Variants in ZDHHC15 observed in about 807,000 individuals in gnomAD.
ZDHHC15 encodes palmitoyltransferase ZDHHC15.
A neutral mutation model predicts 31.7 loss-of-function variants in ZDHHC15; 19 were observed. The observed-to-expected ratio is 0.60, with a 90% CI of 0.42 to 0.88. The LOEUF (loss-of-function observed/expected upper bound fraction) is 0.88, where lower values mean the gene tolerates loss of function less well. Among genes scored for constraint, ZDHHC15 ranks in the 40% least tolerant of loss-of-function variants. The pLI, the probability that ZDHHC15 is intolerant of heterozygous loss-of-function variation, is 0.00. For missense variants in ZDHHC15, 209 were observed against 251.2 expected (o/e 0.83, Z 1.14); for synonymous variants, 103 against 90.0 (o/e 1.14, Z -0.82).
chrX:75,493,415 C>T (rs1385939733), intron 2 of ZDHHC15, among the ~76,000 whole-genome samples: 1 of 111,780 alleles, frequency 8.9e-6, no homozygotes, highest in African/African-American at 3.3e-5. Flanking sequence ...AGGGGAAATC[C>T]TCCCTAATTC....
intron 1 of ZDHHC15, among the ~76,000 whole-genome samples, chrX:75,519,611 A>G (rs975751616): frequency 1.8e-5 from 2 of 112,224 alleles, no homozygotes; most frequent in Admixed American, 9.5e-5. Flanking sequence ...GGAGAAAGAC[A>G]TCAGGTTTTA....
chrX:75,439,951 C>T (rs5938069), intron 4 of ZDHHC15, among the ~76,000 whole-genome samples: 2,360 of 110,984 alleles, frequency 0.021, 37 homozygotes, highest in South Asian at 0.14. Flanking sequence ...TGGGTCTAGC[C>T]ACCCAGCAGA....
At chrX:75,518,773 A>ATATG (rs2085399448) in intron 1 of ZDHHC15, among the ~76,000 whole-genome samples, 12 of 19,066 alleles carry the variant, frequency 6.3e-4, no homozygotes, top group African/African-American at 1.8e-3. Context: ...AAACTGGTAT[A>ATATG]TATATATATA....
At chrX:75,504,157 G>C (rs1386379988) in intron 2 of ZDHHC15, among the ~76,000 whole-genome samples, 1 of 111,226 alleles carries the variant, frequency 9.0e-6, no homozygotes, top group African/African-American at 3.3e-5. Context: ...GAATTTTAGG[G>C]AGACACTCTA....
At position 75,505,264 on chromosome X, in the gene ZDHHC15, T is replaced by C. The variant is rs1041002625; in HGVS notation, c.163+557A>G. On this transcript the variant is annotated intron_variant, in intron 2 of 11. Transcript: ENST00000373367. The stretch of plus-strand genomic sequence containing the variant: ...CTACATAAACACTCACAGTTATTAC[T>C]GATAAAATAATGTAAAGCTAAAGGT... 1.3e-4 allele frequency among the ~76,000 whole-genome samples: 15 copies of C among 111,981 alleles called. 1 individual carries two copies. Among genetic ancestry groups the C allele is most frequent in the Admixed American group, 1.2e-3 (13 of 10,449 alleles).
intron 2 of ZDHHC15, among the ~76,000 whole-genome samples, chrX:75,495,618 C>A (rs1034005648): frequency 1.6e-4 from 18 of 110,532 alleles, no homozygotes; most frequent in African/African-American, 4.6e-4. Context: ...ATGATGAGTT[C>A]ATGTCCTTTG....
chrX:75,505,932 A>G (rs2085154142), intron 1 of ZDHHC15, 85 bp from the exon 2 acceptor site: 3 of 886,918 alleles, frequency 3.4e-6, no homozygotes, highest in Non-Finnish European at 4.9e-6. Flanking sequence ...TATATTTAAA[A>G]AGTCTTGTCT....
At chrX:75,454,446 C>T (rs1402959422) in intron 3 of ZDHHC15, among the ~76,000 whole-genome samples, 1 of 111,714 alleles carries the variant, frequency 9.0e-6, no homozygotes, top group African/African-American at 3.3e-5. Context: ...TGGGTATATG[C>T]CAAGTAATGG....
chrX:75,419,109 A>C (rs1321535564), intron 9 of ZDHHC15, among the ~76,000 whole-genome samples: 1 of 111,871 alleles, frequency 8.9e-6, no homozygotes, highest in East Asian at 2.8e-4. Flanking sequence ...ACATATTTAC[A>C]AGAGAAAAAC....
At chrX:75,384,894 A>G in intron 10 of ZDHHC15, 1 of 494,741 alleles carries the variant, frequency 2.0e-6, no homozygotes, top group Non-Finnish European at 3.6e-6. Flanking sequence ...TAATTGACTA[A>G]GATTAAAGAC....
At chrX:75,476,249 T>C (rs1487677068) in intron 3 of ZDHHC15, among the ~76,000 whole-genome samples, 1 of 109,925 alleles carries the variant, frequency 9.1e-6, no homozygotes, top group Non-Finnish European at 1.9e-5. Flanking sequence ...GAAATGTTTC[T>C]TATTTTTTTT....
chrX:75,446,074 C>A (rs1344886478), intron 4 of ZDHHC15, among the ~76,000 whole-genome samples: 2 of 111,587 alleles, frequency 1.8e-5, no homozygotes, highest in Non-Finnish European at 3.8e-5. Context: ...GTACTACACT[C>A]CAAAAGAACT....
At chrX:75,505,140 C>T (rs980612917) in intron 2 of ZDHHC15, among the ~76,000 whole-genome samples, 10 of 111,165 alleles carry the variant, frequency 9.0e-5, no homozygotes, top group African/African-American at 2.9e-4. Flanking sequence ...TGAATAACAG[C>T]AAATTGGAGC....
chrX:75,513,878 C>CA (rs201148072), intron 1 of ZDHHC15, among the ~76,000 whole-genome samples: 11,309 of 103,033 alleles, frequency 0.11, 503 homozygotes, highest in Non-Finnish European at 0.14. Flanking sequence ...TTTTACATAA[C>CA]AAAAAAAAAA....
intron 4 of ZDHHC15, among the ~76,000 whole-genome samples, chrX:75,443,686 C>A (rs1036084328): frequency 8.9e-6 from 1 of 112,010 alleles, no homozygotes; most frequent in Non-Finnish European, 1.9e-5. Context: ...AGGCAACTTA[C>A]AGAATGGGAG....
chrX:75,515,058 G>A (rs1475384582), intron 1 of ZDHHC15, among the ~76,000 whole-genome samples: 1 of 111,128 alleles, frequency 9.0e-6, no homozygotes, highest in African/African-American at 3.3e-5. Context: ...ACCAATAACA[G>A]GCTCTGAAAT....
intron 4 of ZDHHC15, among the ~76,000 whole-genome samples, chrX:75,434,769 G>A (rs1192962262): frequency 8.9e-6 from 1 of 112,078 alleles, no homozygotes; most frequent in Admixed American, 9.5e-5. Context: ...GTCAGGTAAC[G>A]TGATGCCTCC....
intron 11 of ZDHHC15, among the ~76,000 whole-genome samples, chrX:75,378,580 G>T (rs1358500557): frequency 8.9e-6 from 1 of 111,866 alleles, no homozygotes. Context: ...ATACCTGTGA[G>T]TGTTGCAAAA....
At chrX:75,399,118 G>A (rs1305786631) in intron 10 of ZDHHC15, among the ~76,000 whole-genome samples, 14 of 111,450 alleles carry the variant, frequency 1.3e-4, no homozygotes, top group African/African-American at 4.6e-4. Flanking sequence ...GCATACCACA[G>A]CAGCCCTATG....
Sources: allele counts gnomAD v4.1 joint callset (sites outside exome capture counted in the v4.1 genomes callset), GRCh38; gene constraint gnomAD v4.1.1; transcripts MANE v1.5; gene names NCBI Gene and HGNC (gene_info 2026-07-23, HGNC 2026-07-21).